Variants in CDH12 observed in about 807,000 individuals in gnomAD.
CDH12 encodes the protein cadherin 12, also known as cadherin-12.
A neutral mutation model predicts 74.1 loss-of-function variants in CDH12; 41 were observed. The ratio of observed to expected loss-of-function variants is 0.55; its 90% CI spans 0.43 to 0.72. CDH12 has a LOEUF of 0.72. Ranked by LOEUF, CDH12 falls within the 30% of genes least tolerant of loss-of-function variation. CDH12 has a pLI of 0.00. For synonymous variants in CDH12, 399 were observed against 355.0 expected, an observed-to-expected ratio of 1.12 and a Z score of -1.39; for missense variants, 945 against 977.2, an observed-to-expected ratio of 0.97 and a Z score of 0.44.
At chr5:22,453,159 A>C (rs1745121294) in intron 2 of CDH12, among the ~76,000 whole-genome samples, 1 of 152,068 alleles carries the variant, frequency 6.6e-6, no homozygotes, top group Admixed American at 6.6e-5. Flanking sequence ...TACAGCCACT[A>C]TCAAAACCAG....
chr5:21,992,779 C>T (rs1287812375), intron 5 of CDH12, among the ~76,000 whole-genome samples: 1 of 152,138 alleles, frequency 6.6e-6, no homozygotes, highest in Non-Finnish European at 1.5e-5. Flanking sequence ...TCCAAACATA[C>T]TTCAGTGTAT....
chr5:22,092,284 A>G (rs1405080377), intron 4 of CDH12, among the ~76,000 whole-genome samples: 1 of 152,142 alleles, frequency 6.6e-6, no homozygotes, highest in East Asian at 1.9e-4. Context: ...TAGGAAAATT[A>G]GCAATTTCTT....
At chr5:22,036,576 G>A (rs552500217) in intron 5 of CDH12, among the ~76,000 whole-genome samples, 57 of 152,210 alleles carry the variant, frequency 3.7e-4, no homozygotes, top group African/African-American at 8.9e-4. Context: ...GCACGTGTGC[G>A]TGCGTGTGTG....
chr5:22,440,985 A>G (rs1012965152), intron 2 of CDH12, among the ~76,000 whole-genome samples: 1 of 152,150 alleles, frequency 6.6e-6, no homozygotes, highest in African/African-American at 2.4e-5. Flanking sequence ...ACATATTTGC[A>G]AGTCTTGGCA....
At chr5:21,921,703 C>T (rs144689305) in intron 6 of CDH12, among the ~76,000 whole-genome samples, 2,061 of 152,290 alleles carry the variant, frequency 0.014, 45 homozygotes, top group African/African-American at 0.044. Flanking sequence ...GAATCTGACA[C>T]TACAAATTTC....
chr5:22,456,135 A>ATATATATATATATATAT (rs1745261770), intron 2 of CDH12, among the ~76,000 whole-genome samples: 1 of 142,298 alleles, frequency 7.0e-6, no homozygotes, highest in African/African-American at 2.6e-5. Context: ...ATATATATAT[A>ATATATATATATATATAT]AAACGATCTC....
At chr5:21,950,927 C>T (rs1755832478) in intron 6 of CDH12, among the ~76,000 whole-genome samples, 1 of 150,950 alleles carries the variant, frequency 6.6e-6, no homozygotes, top group Non-Finnish European at 1.5e-5. Flanking sequence ...GCTGGTACTA[C>T]AGGTGCCCAC....
chr5:22,240,562 C>G (rs929670184), intron 3 of CDH12, among the ~76,000 whole-genome samples: 4 of 152,190 alleles, frequency 2.6e-5, no homozygotes, highest in Non-Finnish European at 5.9e-5. Flanking sequence ...GAGACAGAAT[C>G]TCGTTCCTTC....
At position 22,823,787 on chromosome 5, in the gene CDH12, T is replaced by C. The variant is rs184090590; in HGVS notation, c.-523+29271A>G. 6.6e-5 allele frequency among the ~76,000 whole-genome samples: 10 copies of C among 152,212 alleles called. No individual in the cohort carries two copies. In the East Asian group the frequency reaches 1.9e-3, roughly 29 times the overall value. On this transcript the variant is annotated intron_variant, in intron 1 of 14. Coordinates refer to ENST00000382254, the MANE Select transcript of CDH12 (RefSeq NM_004061.5). Reference sequence around the variant, plus strand: ...GCAGTTTCCCCAGGGCTTTTTGCTCTCTCTTTGCCATGTAAGACATGCCTG... The same window carrying C: ...GCAGTTTCCCCAGGGCTTTTTGCTCCCTCTTTGCCATGTAAGACATGCCTG...
chr5:22,639,703 C>A (rs933690961), intron 1 of CDH12, among the ~76,000 whole-genome samples: 2 of 152,098 alleles, frequency 1.3e-5, no homozygotes, highest in Non-Finnish European at 2.9e-5. Context: ...ACCTGGTAAA[C>A]TCAGTTTGCT....
At chr5:22,711,225 G>A (rs555809715) in intron 1 of CDH12, among the ~76,000 whole-genome samples, 122 of 152,178 alleles carry the variant, frequency 8.0e-4, no homozygotes, top group African/African-American at 2.7e-3. Context: ...ACAACAGGTC[G>A]AAGTAAAGTA....
Position 21,816,935 on chromosome 5 carries a change from G to T in CDH12, c.1002+10C>A, listed in dbSNP as rs778677354. 30 of 1,554,380 alleles carry T rather than the reference G, an allele frequency of 1.9e-5. No homozygotes were observed. Among genetic ancestry groups the T allele is most frequent in the Middle Eastern group, 1.7e-4 (1 of 5,834 alleles). On this transcript the variant is annotated intron_variant, in intron 9 of 14. Coordinates refer to ENST00000382254, the MANE Select transcript of CDH12 (RefSeq NM_004061.5). ...TTAGTAGTCAACTGTCCCAACATTT[G>T]TCTATATACCTTTTTCAATTTGATG...
intron 1 of CDH12, among the ~76,000 whole-genome samples, chr5:22,699,241 A>G (rs1425450498): frequency 6.6e-6 from 1 of 152,164 alleles, no homozygotes; most frequent in Non-Finnish European, 1.5e-5. Flanking sequence ...CTTATTAGTG[A>G]TTTAATATTT....
chr5:22,442,197 T>C (rs988621103), intron 2 of CDH12, among the ~76,000 whole-genome samples: 1 of 152,216 alleles, frequency 6.6e-6, no homozygotes, highest in Non-Finnish European at 1.5e-5. Flanking sequence ...TGTTTGTATT[T>C]ATAAGCATTA....
chr5:21,813,480 C>T (rs1008310229), intron 9 of CDH12, among the ~76,000 whole-genome samples: 3 of 151,916 alleles, frequency 2.0e-5, no homozygotes, highest in African/African-American at 4.8e-5. Flanking sequence ...AACTCCATAT[C>T]AAAATAAATA....
At chr5:21,865,220 A>G (rs1021133492) in intron 6 of CDH12, among the ~76,000 whole-genome samples, 13 of 152,186 alleles carry the variant, frequency 8.5e-5, no homozygotes, top group African/African-American at 2.9e-4. Flanking sequence ...CTTGAAGTAA[A>G]ATGAGAGAGG....
intron 3 of CDH12, among the ~76,000 whole-genome samples, chr5:22,235,363 T>C (rs1193549500): frequency 6.6e-6 from 1 of 152,094 alleles, no homozygotes. Context: ...GGGGGATCAC[T>C]AGAGGTCAGG....
chr5:22,783,394 C>T (rs1335976795), intron 1 of CDH12, among the ~76,000 whole-genome samples: 2 of 152,120 alleles, frequency 1.3e-5, no homozygotes, highest in East Asian at 3.9e-4. Context: ...AGTTTCACGG[C>T]TCACACTGGC....
At chr5:21,814,037 C>A (rs188722762) in intron 9 of CDH12, among the ~76,000 whole-genome samples, 1 of 152,012 alleles carries the variant, frequency 6.6e-6, no homozygotes, top group Non-Finnish European at 1.5e-5. Flanking sequence ...TCCAAAATAC[C>A]TGTTGAATGA....
Sources: gnomAD v4.1 joint callset for allele counts (sites outside exome capture counted in the v4.1 genomes callset) on GRCh38, gnomAD v4.1.1 for gene constraint, MANE v1.5 for transcripts, NCBI Gene and HGNC (gene_info 2026-07-23, HGNC 2026-07-21) for gene names.